Variants in FHIT observed in about 807,000 individuals in gnomAD.
FHIT encodes the protein bis(5'-adenosyl)-triphosphatase.
A neutral mutation model predicts 17.9 loss-of-function variants in FHIT; 19 were observed. The observed-to-expected ratio is 1.06, with a 90% confidence interval of 0.74 to 1.56. The LOEUF is 1.56. FHIT is among the 40% of genes most tolerant of loss of function. FHIT has a pLI of 0.00. For missense variants in FHIT, 248 were observed against 189.2 expected (o/e 1.31, Z -1.82); for synonymous variants, 81 against 69.7 (o/e 1.16, Z -0.81).
chr3:60,806,737 A>G (rs1191444487), intron 4 of FHIT, among the ~76,000 whole-genome samples: 1 of 152,170 alleles, frequency 6.6e-6, no homozygotes, highest in Non-Finnish European at 1.5e-5. Context: ...TTTTATCCCA[A>G]CCAGTGCTTA....
At chr3:60,095,080 T>G (rs147569164) in intron 5 of FHIT, among the ~76,000 whole-genome samples, 89 of 152,302 alleles carry the variant, frequency 5.8e-4, no homozygotes, top group African/African-American at 2.1e-3. Flanking sequence ...CAAATGGGCT[T>G]CATTAGCTTA....
chr3:60,233,316 GC>G, intron 5 of FHIT, among the ~76,000 whole-genome samples: 1 of 152,102 alleles, frequency 6.6e-6, no homozygotes, highest in East Asian at 1.9e-4. Context: ...TCCATTAACT[GC>G]CAAACAGCTG....
At chr3:60,219,672 T>G (rs1176736457) in intron 5 of FHIT, among the ~76,000 whole-genome samples, 2 of 152,118 alleles carry the variant, frequency 1.3e-5, no homozygotes, top group Admixed American at 1.3e-4. Context: ...CTGTCCCCCT[T>G]CATTAATCTT....
intron 8 of FHIT, among the ~76,000 whole-genome samples, chr3:59,908,850 T>TTTTTTTTTTTTTTTGAG (rs1553712872): frequency 2.0e-5 from 3 of 150,086 alleles, no homozygotes; most frequent in East Asian, 1.9e-4. Context: ...TTTCATTTTT[T>TTTTTTTTTTTTTTTGAG]AATAGTCCAA....
intron 3 of FHIT, among the ~76,000 whole-genome samples, chr3:60,974,350 A>G (rs1008708104): frequency 8.5e-5 from 13 of 152,196 alleles, no homozygotes; most frequent in Admixed American, 7.2e-4. Flanking sequence ...CCCATTGGCC[A>G]GAGTTATTGG....
At chr3:60,463,897 T>C (rs1214576247) in intron 5 of FHIT, among the ~76,000 whole-genome samples, 1 of 152,240 alleles carries the variant, frequency 6.6e-6, no homozygotes, top group Admixed American at 6.5e-5. Context: ...CAGCTGTTAA[T>C]TATTATCCAC....
At position 60,031,830 on chromosome 3, in the gene FHIT, GAC is replaced by G. The variant is rs1341732559; in HGVS notation, c.104-17680_104-17679del. Among the ~76,000 whole-genome samples, 19 of 152,208 alleles carry G rather than the reference GAC, an allele frequency of 1.2e-4. 1 individual carries two copies. The highest frequency in any genetic ancestry group is 5.8e-4 in the East Asian group (3 of 5,186). ...ACACATGAACATGAATGAAAAAAAT[GAC>G]ACACAGTTATTTTTACTAATTTTTA... On this transcript the variant is annotated intron_variant, in intron 5 of 9. Transcript: ENST00000492590.
chr3:60,109,751 TG>T (rs1395563604), intron 5 of FHIT, among the ~76,000 whole-genome samples: 1 of 152,200 alleles, frequency 6.6e-6, no homozygotes, highest in African/African-American at 2.4e-5. Flanking sequence ...TTCTTAGCTT[TG>T]CCTGCTGGCT....
At chr3:60,370,155 C>T (rs572063670) in intron 5 of FHIT, among the ~76,000 whole-genome samples, 6 of 152,250 alleles carry the variant, frequency 3.9e-5, no homozygotes, top group South Asian at 2.1e-4. Flanking sequence ...GAAAAACTTA[C>T]GTCACCTGTG....
intron 1 of FHIT, among the ~76,000 whole-genome samples, chr3:61,208,017 T>C (rs1182266432): frequency 2.0e-5 from 3 of 152,202 alleles, no homozygotes; most frequent in Admixed American, 6.5e-5. Context: ...ATGTTGTGTC[T>C]TTGTTCTCGT....
intron 4 of FHIT, among the ~76,000 whole-genome samples, chr3:60,679,152 G>C (rs563603149): frequency 2.6e-5 from 4 of 152,154 alleles, no homozygotes; most frequent in Middle Eastern, 3.4e-3. Flanking sequence ...ATTTCTTGCA[G>C]ACCCTTTAAA....
chr3:60,632,916 G>C (rs1263687344), intron 4 of FHIT, among the ~76,000 whole-genome samples: 1 of 152,198 alleles, frequency 6.6e-6, no homozygotes, highest in Non-Finnish European at 1.5e-5. Flanking sequence ...CACTAAGCAA[G>C]TTATCAATAA....
At chr3:60,404,629 T>G (rs144288535) in intron 5 of FHIT, among the ~76,000 whole-genome samples, 291 of 152,302 alleles carry the variant, frequency 1.9e-3, no homozygotes, top group Middle Eastern at 6.8e-3. Context: ...AATGAGACTA[T>G]AGGCTTCAAA....
intron 3 of FHIT, among the ~76,000 whole-genome samples, chr3:60,993,455 T>C (rs2030422984): frequency 6.6e-6 from 1 of 152,226 alleles, no homozygotes; most frequent in African/African-American, 2.4e-5. Flanking sequence ...AACAATGTTA[T>C]ACCCTCCTTC....
intron 4 of FHIT, among the ~76,000 whole-genome samples, chr3:60,801,354 C>T (rs1701180182): frequency 6.6e-6 from 1 of 152,190 alleles, no homozygotes; most frequent in African/African-American, 2.4e-5. Context: ...CTTGCCCTAA[C>T]CTGGTTTCCA....
chr3:61,171,957 C>T (rs1052922468), intron 2 of FHIT, among the ~76,000 whole-genome samples: 1 of 152,062 alleles, frequency 6.6e-6, no homozygotes, highest in Non-Finnish European at 1.5e-5. Context: ...TGAAACTAAA[C>T]GTAGTGGTTT....
intron 3 of FHIT, among the ~76,000 whole-genome samples, chr3:60,946,173 G>C (rs1708632307): frequency 1.3e-5 from 2 of 152,138 alleles, no homozygotes; most frequent in South Asian, 4.1e-4. Context: ...CAGATTGGAG[G>C]CCCCACAGGA....
At chr3:59,829,959 C>T (rs946012692) in intron 8 of FHIT, among the ~76,000 whole-genome samples, 14 of 152,022 alleles carry the variant, frequency 9.2e-5, no homozygotes, top group African/African-American at 3.1e-4. Flanking sequence ...GCCTATAGTC[C>T]CAGTTACTTG....
At chr3:60,142,037 G>A (rs1330852345) in intron 5 of FHIT, among the ~76,000 whole-genome samples, 1 of 152,068 alleles carries the variant, frequency 6.6e-6, no homozygotes, top group Non-Finnish European at 1.5e-5. Flanking sequence ...AGGTAAGCAA[G>A]GAATAAAAGG....
Sources: gnomAD v4.1 joint callset for allele counts (sites outside exome capture counted in the v4.1 genomes callset) on GRCh38, gnomAD v4.1.1 for gene constraint, MANE v1.5 for transcripts, NCBI Gene and HGNC (gene_info 2026-07-23, HGNC 2026-07-21) for gene names.